NBPF11: variants seen among roughly 807,000 people sequenced by gnomAD.
The protein encoded by NBPF11 is NBPF family member NBPF11.
NBPF11 carries 72 observed loss-of-function variants against 93.9 expected under a neutral mutation model. The observed-to-expected ratio is 0.77, with a 90% CI of 0.63 to 0.93. The LOEUF is 0.93. NBPF11 is among the 40% of genes least tolerant of loss of function. The pLI, the probability that NBPF11 is intolerant of heterozygous loss-of-function variation, is 0.00. For synonymous variants in NBPF11, 224 were observed against 304.9 expected (o/e 0.73, Z 2.76); for missense variants, 705 against 802.2 (o/e 0.88, Z 1.46).
In NBPF11 at chr1:148,105,429, A is replaced by C; in HGVS notation, c.2403T>G (p.Pro801=). ...LLPVVLNSLT[P]ASPTEVPFMH... is the part of the protein sequence containing the mutation. Reference sequence around the variant, plus strand: ...TAAAAGGAACTTCCGTAGGGCTGGCAGGAGTCAGGCTGTTCAAGACAACTG... The same window carrying C: ...TAAAAGGAACTTCCGTAGGGCTGGCCGGAGTCAGGCTGTTCAAGACAACTG... Residue 801 remains proline (P), a synonymous_variant, in exon 22 of 24, where the codon CCT becomes CCG. Transcript: ENST00000682118. The C allele has an allele frequency of 8.9e-7, 1 of 1,121,876 alleles. No homozygotes were observed. The highest frequency in any genetic ancestry group is 1.2e-5 in the South Asian group (1 of 80,516). The allele number at this position is 1,121,876 out of a possible 1,614,324, so 69.5% of individuals were successfully genotyped here.
Position 148,102,702 on chromosome 1 carries a change from C to T in NBPF11, c.*1194G>A, listed in dbSNP as rs1339364201. The T allele has an allele frequency of 6.6e-6, 1 of 150,868 alleles. No homozygotes were observed. The allele number at this position is 150,868 out of a possible 1,614,324, so 9.3% of individuals were successfully genotyped here. A position where few individuals can be genotyped will look rare whatever the true frequency, so the allele number is the denominator to read the frequency against. On this transcript the variant is annotated 3_prime_UTR_variant, in exon 24 of 24. Coordinates refer to ENST00000682118, the MANE Select transcript of NBPF11 (RefSeq NM_001385469.3). Reference sequence around the variant, plus strand: ...AAGTCCATGTCACCACCATCCATGACAACAACAAAAAGATGAGGAAATATT... The same window carrying T: ...AAGTCCATGTCACCACCATCCATGATAACAACAAAAAGATGAGGAAATATT...
chr1:148,146,853 C>T (rs1179090943), intron 1 of NBPF11: 17 of 1,613,686 alleles, frequency 1.1e-5, no homozygotes, highest in Non-Finnish European at 1.4e-5. Flanking sequence ...ACGGTGCCAG[C>T]TCGGGCAGGC....
intron 9 of NBPF11, among the ~76,000 whole-genome samples, chr1:148,120,988 A>G (rs1667690583): frequency 2.0e-5 from 3 of 152,014 alleles, no homozygotes; most frequent in African/African-American, 7.3e-5. Context: ...TGAGTGGCCA[A>G]TGTTTCTGTG....
At chr1:148,123,730 C>T in intron 7 of NBPF11, 123 bp downstream of exon 7, 4 of 1,609,174 alleles carry the variant, frequency 2.5e-6, no homozygotes, top group Non-Finnish European at 3.4e-6. Context: ...CTGATCATGT[C>T]ATGGCCACAT....
intron 4 of NBPF11, among the ~76,000 whole-genome samples, chr1:148,129,098 A>G (rs1267298111): frequency 6.9e-5 from 8 of 115,300 alleles, no homozygotes; most frequent in Non-Finnish European, 1.3e-4. Flanking sequence ...GTGTATATAT[A>G]TATATAATAT....
At chr1:148,145,812 C>T (rs1262624004) in intron 1 of NBPF11, among the ~76,000 whole-genome samples, 2 of 150,770 alleles carry the variant, frequency 1.3e-5, no homozygotes, top group African/African-American at 4.9e-5. Context: ...CTTGGGAGGT[C>T]GAGGTTGCAC....
At chr1:148,107,918 G>C (rs1225781955) in intron 18 of NBPF11, among the ~76,000 whole-genome samples, 156 bp from the exon 19 acceptor site, 6 of 152,032 alleles carry the variant, frequency 3.9e-5, no homozygotes, top group Non-Finnish European at 8.8e-5. Flanking sequence ...GGCTGATCAT[G>C]ATAGAGATTC....
chr1:148,142,046 C>T (rs1161322928), intron 2 of NBPF11, among the ~76,000 whole-genome samples: 1 of 88,704 alleles, frequency 1.1e-5, no homozygotes, highest in South Asian at 3.9e-4. Context: ...GGAAGGAAGG[C>T]AGGGAGGGAG....
intron 17 of NBPF11, among the ~76,000 whole-genome samples, chr1:148,109,066 G>C (rs1187806798): frequency 6.6e-6 from 1 of 151,174 alleles, no homozygotes; most frequent in African/African-American, 2.4e-5. Flanking sequence ...CAGCTTTTGA[G>C]GTATGGTCAA....
At chr1:148,113,197 C>T (rs1476294805) in intron 15 of NBPF11, among the ~76,000 whole-genome samples, 2 of 151,932 alleles carry the variant, frequency 1.3e-5, no homozygotes, top group African/African-American at 4.9e-5. Flanking sequence ...GAGTCAAGAC[C>T]CATCAGTGTG....
chr1:148,149,514 T>A (rs1647720613), intron 1 of NBPF11: 1 of 1,593,464 alleles, frequency 6.3e-7, no homozygotes, highest in Non-Finnish European at 8.5e-7. Context: ...AGCCAGTACC[T>A]GGAGCGCCTG....
chr1:148,145,827 C>A (rs1354041278), intron 1 of NBPF11, among the ~76,000 whole-genome samples: 1 of 151,158 alleles, frequency 6.6e-6, no homozygotes, highest in African/African-American at 2.4e-5. Flanking sequence ...TTGCACTAAG[C>A]TGTGATTGTA....
Position 148,118,679 on chromosome 1 carries a change from A to T in NBPF11, c.1032T>A (p.Asn344Lys), listed in dbSNP as rs1667140076. The change falls in exon 11 of 24, where the codon AAT (asparagine) becomes AAA (lysine). Residue 344 changes from asparagine to lysine, a missense_variant. Coordinates refer to ENST00000682118, the MANE Select transcript of NBPF11 (RefSeq NM_001385469.3). Reference protein sequence around the residue: ...CKDLIKSMLRNERQFKEEKLA... With the variant: ...CKDLIKSMLRKERQFKEEKLA... Reference sequence around the variant, plus strand: ...GCTTCTCCTCCTTGAACTGTCGCTCATTCCTCAGCATAGATTTTATGAGGT... The same window carrying T: ...GCTTCTCCTCCTTGAACTGTCGCTCTTTCCTCAGCATAGATTTTATGAGGT... 1 of 1,613,040 alleles carries T rather than the reference A, an allele frequency of 6.2e-7. No homozygotes were observed. The highest frequency in any genetic ancestry group is 1.7e-5 in the Admixed American group (1 of 59,992).
At chr1:148,147,796 G>A (rs1486496997) in intron 1 of NBPF11, among the ~76,000 whole-genome samples, 20 of 151,982 alleles carry the variant, frequency 1.3e-4, no homozygotes, top group African/African-American at 3.9e-4. Flanking sequence ...GTTGTGGGAC[G>A]CTGACACCAA....
intron 4 of NBPF11, among the ~76,000 whole-genome samples, chr1:148,131,342 G>A (rs1166201254): frequency 3.3e-5 from 5 of 151,542 alleles, no homozygotes; most frequent in African/African-American, 1.2e-4. Context: ...AACTCCCCAG[G>A]CCTCCACAGA....
chr1:148,113,305 G>A (rs1173937578), intron 15 of NBPF11, among the ~76,000 whole-genome samples: 14 of 151,950 alleles, frequency 9.2e-5, no homozygotes, highest in African/African-American at 1.7e-4. Flanking sequence ...GCAAAAAAAC[G>A]CAGGGGTTGC....
At chr1:148,116,283 C>G (rs1357022874) in intron 13 of NBPF11, among the ~76,000 whole-genome samples, 180 bp downstream of exon 13, 1 of 152,014 alleles carries the variant, frequency 6.6e-6, no homozygotes. Flanking sequence ...ACATGACACT[C>G]GGCACACATA....
intron 1 of NBPF11, chr1:148,146,942 A>G: frequency 1.3e-6 from 2 of 1,586,438 alleles, no homozygotes; most frequent in South Asian, 2.2e-5. Flanking sequence ...CCCTGGGGGC[A>G]GCTCAGCCTG....
At chr1:148,124,229 A>C (rs1401914262) in intron 6 of NBPF11, among the ~76,000 whole-genome samples, 162 bp from the exon 7 acceptor site, 1 of 151,836 alleles carries the variant, frequency 6.6e-6, no homozygotes, top group African/African-American at 2.4e-5. Flanking sequence ...AGAACAGAAA[A>C]TGGTCTACAG....
Sources: allele counts gnomAD v4.1 joint callset (sites outside exome capture counted in the v4.1 genomes callset), GRCh38; gene constraint gnomAD v4.1.1; transcripts MANE v1.5; gene names NCBI Gene and HGNC (gene_info 2026-07-23, HGNC 2026-07-21).